The following CACNA2D1 variants were observed in gnomAD, a reference collection of about 807,000 sequenced individuals.
CACNA2D1 encodes the protein voltage-dependent calcium channel subunit alpha-2/delta-1.
A neutral mutation model predicts 171.5 loss-of-function variants in CACNA2D1; 53 were observed. The ratio of observed to expected loss-of-function variants is 0.31; its 90% CI spans 0.25 to 0.39. The LOEUF (loss-of-function observed/expected upper bound fraction) is 0.39, where lower values mean the gene tolerates loss of function less well. Ranked by LOEUF, CACNA2D1 falls within the 10% of genes least tolerant of loss-of-function variation. The pLI is 1.00. For synonymous variants in CACNA2D1, 442 were observed against 443.1 expected, an observed-to-expected ratio of 1.00 and a Z score of 0.03; for missense variants, 903 against 1,299.8, an observed-to-expected ratio of 0.69 and a Z score of 4.69.
At chr7:82,152,768 G>A (rs375860613) in intron 4 of CACNA2D1, among the ~76,000 whole-genome samples, 8 of 151,814 alleles carry the variant, frequency 5.3e-5, no homozygotes, top group African/African-American at 1.9e-4. Context: ...GAAAGGCCAA[G>A]GTGTATTTCT....
At chr7:82,169,649 G>A (rs984227052) in intron 4 of CACNA2D1, among the ~76,000 whole-genome samples, 1 of 151,948 alleles carries the variant, frequency 6.6e-6, no homozygotes, top group Non-Finnish European at 1.5e-5. Context: ...TCAAATTTGA[G>A]ACTTTTGCTT....
intron 3 of CACNA2D1, among the ~76,000 whole-genome samples, chr7:82,176,167 G>T (rs1223217842): frequency 6.6e-6 from 1 of 151,946 alleles, no homozygotes; most frequent in African/African-American, 2.4e-5. Context: ...GGCAGAGAAG[G>T]GTATAGGCAA....
At chr7:82,337,529 A>C in intron 2 of CACNA2D1, among the ~76,000 whole-genome samples, 1 of 152,186 alleles carries the variant, frequency 6.6e-6, no homozygotes, top group East Asian at 1.9e-4. Flanking sequence ...ACAATATTTC[A>C]TATATTAATA....
intron 3 of CACNA2D1, among the ~76,000 whole-genome samples, chr7:82,288,948 C>T (rs750165746): frequency 7.2e-5 from 11 of 152,226 alleles, no homozygotes; most frequent in East Asian, 1.9e-4. Context: ...CTGTAATGAA[C>T]GCAGCCCATA....
intron 1 of CACNA2D1, among the ~76,000 whole-genome samples, chr7:82,375,236 T>A (rs1468400): frequency 0.62 from 94,879 of 151,906 alleles, 30,207 homozygotes; most frequent in Middle Eastern, 0.74. Context: ...ACTGAGGTCT[T>A]TCACTTTTCT....
chr7:82,115,836 A>C (rs1788981863), intron 6 of CACNA2D1, among the ~76,000 whole-genome samples: 1 of 152,144 alleles, frequency 6.6e-6, no homozygotes, highest in Non-Finnish European at 1.5e-5. Flanking sequence ...AAACACTTAC[A>C]TAGCACTTAC....
intron 7 of CACNA2D1, among the ~76,000 whole-genome samples, chr7:82,067,437 T>G (rs1807784873): frequency 6.6e-6 from 1 of 152,078 alleles, no homozygotes; most frequent in Non-Finnish European, 1.5e-5. Context: ...TTACTGAGAG[T>G]CAGGTTTATT....
At chr7:82,091,501 T>A (rs746939331) in intron 6 of CACNA2D1, among the ~76,000 whole-genome samples, 1 of 152,190 alleles carries the variant, frequency 6.6e-6, no homozygotes, top group Admixed American at 6.5e-5. Flanking sequence ...TAATGAAATC[T>A]GCACGCTGTG....
chr7:81,982,537 A>G lies in CACNA2D1; in HGVS notation c.1955+30T>C, dbSNP rs747213155. 3.7e-5 allele frequency: 49 copies of G among 1,309,092 alleles called. No homozygotes were observed. In the South Asian group the frequency reaches 5.4e-4, roughly 14 times the overall value. The allele number at this position is 1,309,092 out of a possible 1,614,324, so 81.1% of individuals were successfully genotyped here. The stretch of plus-strand genomic sequence containing the variant: ...CTGTTGAAGGCCTAGCTACTGATAG[A>G]AGATGTATCAAAAATACAACAAAAC... On this transcript the variant is annotated intron_variant, in intron 24 of 38. Coordinates refer to ENST00000356860, the MANE Select transcript of CACNA2D1 (RefSeq NM_000722.4).
intron 1 of CACNA2D1, among the ~76,000 whole-genome samples, chr7:82,418,652 C>T (rs748534441): frequency 7.2e-5 from 11 of 152,152 alleles, no homozygotes; most frequent in Non-Finnish European, 1.5e-4. Flanking sequence ...CTATAATACA[C>T]CACTTTGTGG....
intron 3 of CACNA2D1, among the ~76,000 whole-genome samples, chr7:82,279,258 T>C (rs1445915310): frequency 2.0e-5 from 3 of 152,226 alleles, no homozygotes; most frequent in African/African-American, 7.2e-5. Context: ...TTTCTGCCCC[T>C]CCTCTATTTC....
At chr7:82,347,755 T>G (rs372051245) in intron 2 of CACNA2D1, among the ~76,000 whole-genome samples, 1 of 152,206 alleles carries the variant, frequency 6.6e-6, no homozygotes, top group South Asian at 2.1e-4. Flanking sequence ...GGAATTTTTC[T>G]GTGACCGTAA....
At chr7:82,437,096 G>A (rs1027925244) in intron 1 of CACNA2D1, among the ~76,000 whole-genome samples, 5 of 152,042 alleles carry the variant, frequency 3.3e-5, no homozygotes, top group African/African-American at 1.2e-4. Flanking sequence ...CTGAAACAGG[G>A]AGCACAGATT....
intron 6 of CACNA2D1, among the ~76,000 whole-genome samples, chr7:82,103,876 C>G (rs181051954): frequency 2.0e-5 from 3 of 152,006 alleles, no homozygotes; most frequent in East Asian, 3.9e-4. Flanking sequence ...ATTGTATTTT[C>G]ATAAACTTAA....
chr7:81,960,965 G>C (rs1037031740), intron 36 of CACNA2D1, among the ~76,000 whole-genome samples: 1 of 151,856 alleles, frequency 6.6e-6, no homozygotes, highest in African/African-American at 2.4e-5. Context: ...GTCTGCTAAA[G>C]AAAGTCATAA....
chr7:82,054,498 G>A (rs953357851), intron 10 of CACNA2D1, among the ~76,000 whole-genome samples: 11 of 152,152 alleles, frequency 7.2e-5, no homozygotes, highest in African/African-American at 2.4e-4. Context: ...CACTCACAGT[G>A]GAAACTTGTT....
chr7:81,993,561 T>C (rs767431077), intron 20 of CACNA2D1, among the ~76,000 whole-genome samples: 23 of 152,148 alleles, frequency 1.5e-4, no homozygotes, highest in Non-Finnish European at 3.1e-4. Flanking sequence ...TTTTGAAAGA[T>C]ATCACCTTAA....
rs570264349 is a variant in CACNA2D1 at position 82,443,594 on chromosome 7, C to G, written c.-135G>C. On this transcript the variant is annotated 5_prime_UTR_variant, in exon 1 of 39. Transcript: ENST00000356860. ...TGGAGGGCTGGCTGCGCCCGGGGCC[C>G]GAGGCGCGGAGCCGCGCGGGGGACG... 15 of 1,414,968 alleles carry G rather than the reference C, an allele frequency of 1.1e-5. No individual in the cohort carries two copies. In the South Asian group the frequency reaches 2.0e-4, roughly 19 times the overall value. The allele number at this position is 1,414,968 out of a possible 1,614,324, so 87.7% of individuals were successfully genotyped here. A position where few individuals can be genotyped will look rare whatever the true frequency, so the allele number is the denominator to read the frequency against.
chr7:82,329,522 T>C (rs1331687222), intron 3 of CACNA2D1, among the ~76,000 whole-genome samples: 1 of 152,130 alleles, frequency 6.6e-6, no homozygotes, highest in Non-Finnish European at 1.5e-5. Context: ...TTTATCTCCA[T>C]CTCTCAGAAG....
Sources: allele counts gnomAD v4.1 joint callset (sites outside exome capture counted in the v4.1 genomes callset), GRCh38; gene constraint gnomAD v4.1.1; transcripts MANE v1.5; gene names NCBI Gene and HGNC (gene_info 2026-07-23, HGNC 2026-07-21).